ADRA1A: variants seen among roughly 807,000 people sequenced by gnomAD.
ADRA1A encodes the protein adrenoceptor alpha 1A.
A neutral mutation model predicts 29.6 loss-of-function variants in ADRA1A; 31 were observed. That is an observed-to-expected ratio of 1.05 (90% CI 0.79 to 1.41). The LOEUF (loss-of-function observed/expected upper bound fraction) is 1.41. Ranked by LOEUF, ADRA1A falls within the 40% of genes most tolerant of loss-of-function variation. The pLI is 0.00. For synonymous variants in ADRA1A, 311 were observed against 254.3 expected (o/e 1.22, Z -2.12); for missense variants, 619 against 601.1 (o/e 1.03, Z -0.31).
chr8:26,813,765 T>A (rs1046654068), intron 2 of ADRA1A, among the ~76,000 whole-genome samples: 2 of 150,748 alleles, frequency 1.3e-5, no homozygotes, highest in African/African-American at 4.9e-5. Context: ...CCCATTTTTT[T>A]AAGCTTTTTT....
downstream of ADRA1A, among the ~76,000 whole-genome samples, chr8:26,765,384 T>A (rs1466904762): frequency 6.6e-6 from 1 of 152,168 alleles, no homozygotes; most frequent in Non-Finnish European, 1.5e-5. Flanking sequence ...ACAGTGATCA[T>A]CTCCACTCAT....
chr8:26,863,582 G>A (rs1040878456), intron 2 of ADRA1A, among the ~76,000 whole-genome samples: 15 of 152,006 alleles, frequency 9.9e-5, no homozygotes, highest in Non-Finnish European at 1.9e-4. Context: ...CACAGATATA[G>A]AACATAAACA....
chr8:26,859,105 G>A (rs489790), intron 2 of ADRA1A: 172,374 of 1,288,824 alleles, frequency 0.13, 12,112 homozygotes, highest in Admixed American at 0.25. Flanking sequence ...ACTCATCCCT[G>A]CCCTGGTTTC....
At chr8:26,784,571 GAC>G (rs1416146477) in intron 2 of ADRA1A, among the ~76,000 whole-genome samples, 16 of 152,150 alleles carry the variant, frequency 1.1e-4, no homozygotes, top group African/African-American at 3.9e-4. Context: ...AAAGAAAGCT[GAC>G]ACAGTTCGTC....
chr8:26,800,249 A>T (rs780255149), intron 2 of ADRA1A, among the ~76,000 whole-genome samples: 1 of 152,100 alleles, frequency 6.6e-6, no homozygotes, highest in Non-Finnish European at 1.5e-5. Context: ...ACAGAGTGAG[A>T]CTCGGTCTCA....
At chr8:26,859,771 CT>C (rs368780944) in intron 2 of ADRA1A, among the ~76,000 whole-genome samples, 21,464 of 137,412 alleles carry the variant, frequency 0.16, 1,601 homozygotes, top group African/African-American at 0.18. Context: ...TATCATTTTT[CT>C]TTTTTTTTTT....
rs115199853 is a variant in ADRA1A at position 26,826,145 on chromosome 8, G to A, written c.883+37942C>T. ...CCTTCTGTGGCCTTCCTCAGGCCAT[G>A]GAACCTTAAGTTTCTTCATTTTTTT... On this transcript the variant is annotated intron_variant, in intron 2 of 2. Transcript: ENST00000380573. Among the ~76,000 whole-genome samples the A allele has an allele frequency of 8.3e-3, 1,258 of 152,320 alleles. 18 individuals carry two copies. Among genetic ancestry groups the A allele is most frequent in the African/African-American group, 0.029 (1,185 of 41,574 alleles).
chr8:26,859,634 C>A (rs1477622881), intron 2 of ADRA1A, among the ~76,000 whole-genome samples: 2 of 152,090 alleles, frequency 1.3e-5, no homozygotes, highest in Non-Finnish European at 2.9e-5. Flanking sequence ...TGGAGGAAAT[C>A]ATCTCTTACT....
downstream of ADRA1A, among the ~76,000 whole-genome samples, chr8:26,768,638 C>T (rs1805922974): frequency 6.6e-6 from 1 of 152,170 alleles, no homozygotes; most frequent in Non-Finnish European, 1.5e-5. Flanking sequence ...AAATTACCCT[C>T]AGGCTATGCA....
At chr8:26,850,597 G>C (rs1001654581) in intron 2 of ADRA1A, among the ~76,000 whole-genome samples, 1 of 152,344 alleles carries the variant, frequency 6.6e-6, no homozygotes, top group East Asian at 1.9e-4. Flanking sequence ...CTGAGTTCAA[G>C]TGATTCTTGT....
chr8:26,748,684 C>T (rs1310698709), exon 3 of ADRA1A: 10 of 364,206 alleles, frequency 2.7e-5, no homozygotes, highest in African/African-American at 1.4e-4. Context: ...ACCCGGGAGG[C>T]GGAGGTTGCA....
At chr8:26,820,040 T>C (rs1810045897) in intron 2 of ADRA1A, among the ~76,000 whole-genome samples, 1 of 152,122 alleles carries the variant, frequency 6.6e-6, no homozygotes, top group Admixed American at 6.5e-5. Flanking sequence ...AGGGGTCAAT[T>C]AACCATGAAG....
At chr8:26,794,798 C>T (rs1451824041) in intron 2 of ADRA1A, among the ~76,000 whole-genome samples, 1 of 151,978 alleles carries the variant, frequency 6.6e-6, no homozygotes, top group East Asian at 1.9e-4. Flanking sequence ...AGTGTTTCTT[C>T]TGCCCTTTGA....
chr8:26,798,473 T>A (rs1189619426), intron 2 of ADRA1A, among the ~76,000 whole-genome samples: 2 of 152,204 alleles, frequency 1.3e-5, no homozygotes, highest in Non-Finnish European at 2.9e-5. Flanking sequence ...ATAAACTGTG[T>A]CAGCTCTCAC....
At position 26,770,623 on chromosome 8, in the gene ADRA1A, T is replaced by C. The variant is rs780644158; in HGVS notation, c.927A>G (p.Lys309=). The change falls in exon 3 of 3, where the codon AAA becomes AAG. Residue 309 remains lysine, a synonymous_variant. Coordinates refer to ENST00000380573, the MANE Select transcript of ADRA1A (RefSeq NM_000680.4). ...TTAGATATCCGAGCCAAAATACTAT[T>C]TTAAAAACTGTTTCAGAGGGCTTGA... The part of the protein sequence containing the change: ...PDFKPSETVF[K]IVFWLGYLNS... The C allele has an allele frequency of 9.9e-6, 16 of 1,613,936 alleles. No homozygotes were observed. The highest frequency in any genetic ancestry group is 1.3e-5 in the Non-Finnish European group (15 of 1,179,982).
rs988959588 is a variant in ADRA1A at position 26,866,193 on chromosome 8, G to C, written c.-686-538C>G. 6.6e-6 allele frequency among the ~76,000 whole-genome samples: 1 copy of C among 152,180 alleles called. No individual in the cohort carries two copies. The highest frequency in any genetic ancestry group is 2.4e-5 in the African/African-American group (1 of 41,444). ...TCTCACGCCGGTGGAATTCGCACTC[G>C]GGTGTGCAGAGCGCACCGGTCTGTC... On this transcript the variant is annotated intron_variant, in intron 1 of 2. Coordinates refer to ENST00000380573, the MANE Select transcript of ADRA1A (RefSeq NM_000680.4). This position sits in a 1 kb window ranked among gnomAD's most constrained non-coding sequence, Gnocchi z 5.7.
rs61757010 is a variant in ADRA1A at position 26,864,603 on chromosome 8, C to A, written c.367G>T (p.Asp123Tyr). 1.1e-5 allele frequency: 18 copies of A among 1,613,954 alleles called. No homozygotes were observed. The highest frequency in any genetic ancestry group is 1.5e-5 in the Non-Finnish European group (18 of 1,180,040). ...GGGTAGCTCACGCCGATGTAGCGGT[C>A]GATGGAGATGATGCAGAGGCCCATG... ...SIMGLCIISI[D>Y]RYIGVSYPLR... The change falls in exon 2 of 3, where the codon GAC becomes TAC. Residue 123 changes from aspartate (D) to tyrosine (Y), a missense_variant. Transcript: ENST00000380573. This position sits in a 1 kb window ranked among gnomAD's most constrained non-coding sequence, Gnocchi z 8.1.
intron 2 of ADRA1A, chr8:26,859,209 G>T (rs868633463): frequency 2.4e-6 from 3 of 1,276,182 alleles, no homozygotes; most frequent in Middle Eastern, 4.3e-4. Context: ...TATGTCCCTT[G>T]AATATAATAA....
At chr8:26,813,290 C>A (rs1200482045) in intron 2 of ADRA1A, among the ~76,000 whole-genome samples, 3 of 152,158 alleles carry the variant, frequency 2.0e-5, no homozygotes, top group Non-Finnish European at 4.4e-5. Context: ...TTTTCAGTGA[C>A]ATCGTGGGGC....
Sources: gnomAD v4.1 joint callset for allele counts (sites outside exome capture counted in the v4.1 genomes callset) on GRCh38, gnomAD v4.1.1 for gene constraint, Gnocchi (gnomAD v3.1) non-coding constraint, MANE v1.5 for transcripts, NCBI Gene and HGNC (gene_info 2026-07-23, HGNC 2026-07-21) for gene names.